RP1: variants seen among roughly 807,000 people sequenced by gnomAD.
RP1 encodes the protein oxygen-regulated protein 1.
RP1 carries 16 observed loss-of-function variants against 14.8 expected under a neutral mutation model. The ratio of observed to expected loss-of-function variants is 1.08; its 90% confidence interval spans 0.73 to 1.65. RP1 has a LOEUF of 1.65. RP1 is among the 40% of genes most tolerant of loss of function. RP1 has a pLI of 0.00. For missense variants in RP1, 2,631 were observed against 2,535.0 expected, an observed-to-expected ratio of 1.04 and a Z score of -0.81; for synonymous variants, 876 against 883.6, an observed-to-expected ratio of 0.99 and a Z score of 0.15.
downstream of RP1, among the ~76,000 whole-genome samples, chr8:54,635,014 G>T (rs916272851): frequency 6.6e-6 from 1 of 151,598 alleles, no homozygotes; most frequent in South Asian, 2.1e-4. Context: ...CCCAGGAGGC[G>T]GAGCTTGCAG....
rs1585557752 is a variant in RP1 at position 54,621,234 on chromosome 8, CA to C, written c.269del (p.His90ProfsTer26). The C allele has an allele frequency of 1.9e-6, 3 of 1,614,164 alleles. No homozygotes were observed. Among genetic ancestry groups the C allele is most frequent in the Non-Finnish European group, 2.5e-6 (3 of 1,180,040 alleles). The part of the protein sequence containing the change: ...VRNISTPRGR[H>X]SITRLEELED... ...GAACATCAGCACCCCTCGGGGCAGG[CA>C]CAGCATCACGCGCCTGGAGGAGCTG... is the stretch of plus-strand genomic sequence containing the variant. On this transcript the variant is annotated frameshift_variant, in exon 2 of 4. Transcript: ENST00000220676. LOFTEE classifies it high-confidence loss of function.
chr8:54,672,376 T>C (rs1487494960), intron 7 of RP1, among the ~76,000 whole-genome samples: 1 of 152,218 alleles, frequency 6.6e-6, no homozygotes, highest in African/African-American at 2.4e-5. Context: ...CACTGCACTA[T>C]GCCAGGTAGG....
exon 23 of RP1, chr8:54,769,790 T>C: frequency 6.5e-7 from 1 of 1,533,940 alleles, no homozygotes; most frequent in Non-Finnish European, 8.7e-7. Flanking sequence ...AATTGAACTT[T>C]ATCTTCAAGG....
chr8:54,665,929 T>C (rs1387586350), intron 7 of RP1, among the ~76,000 whole-genome samples: 1 of 152,248 alleles, frequency 6.6e-6, no homozygotes, highest in East Asian at 1.9e-4. Context: ...TTTTGCCTGC[T>C]TTCTCTGCAT....
chr8:54,632,943 G>C (rs544168569), downstream of RP1, among the ~76,000 whole-genome samples: 1 of 152,094 alleles, frequency 6.6e-6, no homozygotes. Flanking sequence ...AAGATATGTA[G>C]AATTCAGTCT....
intron 1 of RP1, among the ~76,000 whole-genome samples, chr8:54,584,444 G>A (rs1804869493): frequency 1.3e-5 from 2 of 152,164 alleles, no homozygotes; most frequent in African/African-American, 2.4e-5. Flanking sequence ...TTTGGAATAG[G>A]TGTGGTGTGG....
intron 17 of RP1, among the ~76,000 whole-genome samples, chr8:54,727,753 C>G (rs1283259142): frequency 2.0e-5 from 3 of 151,736 alleles, no homozygotes; most frequent in Non-Finnish European, 4.4e-5. Context: ...GGTCTCTACC[C>G]TCTTGAATTT....
At chr8:54,579,981 C>T (rs945921088) in intron 1 of RP1, among the ~76,000 whole-genome samples, 5 of 152,138 alleles carry the variant, frequency 3.3e-5, no homozygotes, top group Non-Finnish European at 5.9e-5. Flanking sequence ...GTTTGGACTT[C>T]GAGAGCCCTG....
chr8:54,677,486 C>A (rs1005406480), intron 8 of RP1, among the ~76,000 whole-genome samples: 1 of 152,008 alleles, frequency 6.6e-6, no homozygotes, highest in Non-Finnish European at 1.5e-5. Context: ...CAGCATGTTG[C>A]GAGGCTGAGG....
intron 22 of RP1, chr8:54,759,130 CTGTG>C (rs3077333): frequency 0.098 from 74,872 of 763,932 alleles, 1,535 homozygotes; most frequent in African/African-American, 0.16. Flanking sequence ...GTGGATGATG[CTGTG>C]TGTGTGTGTG....
intron 24 of RP1, among the ~76,000 whole-genome samples, chr8:54,814,807 C>T (rs778229126): frequency 6.6e-6 from 1 of 152,042 alleles, no homozygotes; most frequent in Non-Finnish European, 1.5e-5. Flanking sequence ...GCAAATTTTG[C>T]CTAAAAAATA....
intron 1 of RP1, among the ~76,000 whole-genome samples, chr8:54,585,940 G>A (rs547915706): frequency 6.6e-6 from 1 of 150,568 alleles, no homozygotes; most frequent in East Asian, 1.9e-4. Flanking sequence ...CCATGGGTTC[G>A]AACTTCCTCC....
intron 12 of RP1, among the ~76,000 whole-genome samples, chr8:54,682,437 C>A (rs2129336194): frequency 6.6e-6 from 1 of 152,020 alleles, no homozygotes; most frequent in South Asian, 2.1e-4. Context: ...ATCAGAAATA[C>A]CATTTTACCT....
intron 4 of RP1, chr8:54,649,261 T>C: frequency 1.2e-6 from 1 of 809,182 alleles, no homozygotes; most frequent in Non-Finnish European, 1.7e-6. Flanking sequence ...TAGAAGATCA[T>C]TCAAAAATAA....
At chr8:54,704,239 G>A (rs1379647280) in intron 14 of RP1, among the ~76,000 whole-genome samples, 1 of 152,128 alleles carries the variant, frequency 6.6e-6, no homozygotes, top group Non-Finnish European at 1.5e-5. Flanking sequence ...CAGGAGATAT[G>A]TGACTCTTCC....
At chr8:54,807,684 ATCTC>A (rs1810890548) in intron 24 of RP1, among the ~76,000 whole-genome samples, 1 of 149,240 alleles carries the variant, frequency 6.7e-6, no homozygotes, top group Non-Finnish European at 1.5e-5. Flanking sequence ...CTATTTATCT[ATCTC>A]TATCTATCTA....
chr8:54,763,218 T>C (rs78140512), intron 22 of RP1, among the ~76,000 whole-genome samples: 1,761 of 152,324 alleles, frequency 0.012, 17 homozygotes, highest in South Asian at 0.022. Flanking sequence ...GTGAAATTAT[T>C]AAAAATAAGT....
intron 28 of RP1, chr8:54,869,783 CT>C: frequency 1.6e-6 from 1 of 619,110 alleles, no homozygotes; most frequent in Non-Finnish European, 2.3e-6. Flanking sequence ...TCCTTTCTAA[CT>C]AATGAGCCTC....
intron 24 of RP1, among the ~76,000 whole-genome samples, chr8:54,784,658 C>G (rs922764892): frequency 9.2e-5 from 14 of 152,062 alleles, no homozygotes; most frequent in Non-Finnish European, 1.6e-4. Flanking sequence ...TTACATAGCA[C>G]ATTGCCTCCA....
Sources: allele counts gnomAD v4.1 joint callset (sites outside exome capture counted in the v4.1 genomes callset), GRCh38; gene constraint gnomAD v4.1.1; transcripts MANE v1.5; gene names NCBI Gene and HGNC (gene_info 2026-07-23, HGNC 2026-07-21).